SCN1A: variants seen among roughly 807,000 people sequenced by gnomAD.
SCN1A encodes sodium channel protein type 1 subunit alpha.
A neutral mutation model predicts 193.7 loss-of-function variants in SCN1A; 13 were observed. That is an observed-to-expected ratio of 0.07 (90% CI 0.04 to 0.11). The LOEUF (loss-of-function observed/expected upper bound fraction) is 0.11, where lower values mean the gene tolerates loss of function less well. SCN1A is among the 10% of genes least tolerant of loss of function. The pLI is 1.00. For missense variants in SCN1A, 1,432 were observed against 2,451.1 expected (o/e 0.58, Z 8.78); for synonymous variants, 781 against 843.6 (o/e 0.93, Z 1.29).
At chr2:166,132,722 T>C (rs1691708987), upstream of SCN1A, among the ~76,000 whole-genome samples, 1 of 152,172 alleles carries the variant, frequency 6.6e-6, no homozygotes, top group African/African-American at 2.4e-5. Flanking sequence ...TTATAGGTAC[T>C]AAAGTGGACT....
chr2:166,074,728 CTG>C (rs1684822770), intron 3 of SCN1A, among the ~76,000 whole-genome samples: 1 of 152,150 alleles, frequency 6.6e-6, no homozygotes, highest in Non-Finnish European at 1.5e-5. Flanking sequence ...TATTTGGAGA[CTG>C]CATTAACTCA....
chr2:166,084,221 T>TC, intron 2 of SCN1A, among the ~76,000 whole-genome samples: 1 of 89,112 alleles, frequency 1.1e-5, no homozygotes, highest in East Asian at 2.5e-4. Context: ...CAATTTTCTT[T>TC]TTTTTTTTTT....
intron 17 of SCN1A, among the ~76,000 whole-genome samples, chr2:166,038,589 C>T (rs1696760067): frequency 6.6e-6 from 1 of 152,148 alleles, no homozygotes; most frequent in Non-Finnish European, 1.5e-5. Context: ...CCAACTGCCT[C>T]AGTCTCCCAA....
intron 1 of SCN1A, among the ~76,000 whole-genome samples, chr2:166,144,238 A>G (rs1052275743): frequency 1.3e-5 from 2 of 152,210 alleles, no homozygotes; most frequent in Admixed American, 1.3e-4. Context: ...GACACTCTCT[A>G]TATGTCAAGC....
At chr2:166,072,837 CTTTTTTT>C (rs796420549) in intron 4 of SCN1A, among the ~76,000 whole-genome samples, 4 of 119,444 alleles carry the variant, frequency 3.3e-5, no homozygotes, top group East Asian at 2.6e-4. Context: ...TCTCTTCTTT[CTTTTTTT>C]TTTTTTTTTT....
intron 28 of SCN1A, 25 bp downstream of exon 28, chr2:165,994,121 T>C (rs746383978): frequency 6.4e-7 from 1 of 1,557,892 alleles, no homozygotes; most frequent in African/African-American, 1.4e-5. Context: ...TTTAACTGAA[T>C]TTAAGAACTT....
intron 2 of SCN1A, among the ~76,000 whole-genome samples, chr2:166,124,537 ACT>A (rs901630095): frequency 2.6e-5 from 4 of 152,068 alleles, no homozygotes; most frequent in African/African-American, 4.8e-5. Context: ...ACAGAGTGAG[ACT>A]CTGTCTCAAA....
intron 18 of SCN1A, 49 bp downstream of exon 18, chr2:166,037,725 ATG>A: frequency 6.5e-7 from 1 of 1,526,738 alleles, no homozygotes; most frequent in Non-Finnish European, 9.1e-7. Context: ...ATATGTATAC[ATG>A]TGCCATGCTG....
intron 4 of SCN1A, among the ~76,000 whole-genome samples, chr2:166,063,323 A>C (rs1683514375): frequency 6.6e-6 from 1 of 152,140 alleles, no homozygotes; most frequent in East Asian, 1.9e-4. Flanking sequence ...TAACATTCAT[A>C]CAATAGGGTT....
chr2:166,137,115 G>A (rs1332118933), intron 1 of SCN1A, among the ~76,000 whole-genome samples: 5 of 152,160 alleles, frequency 3.3e-5, no homozygotes, highest in Non-Finnish European at 5.9e-5. Context: ...CAGGGCTCCA[G>A]CATTTGTTGG....
chr2:166,117,152 ATC>A (rs766720615), intron 2 of SCN1A, among the ~76,000 whole-genome samples: 4 of 152,214 alleles, frequency 2.6e-5, no homozygotes, highest in Non-Finnish European at 4.4e-5. Context: ...TCTTTTCAAT[ATC>A]TGTTTGAATA....
rs1699119860 is a variant in SCN1A at position 166,056,286 on chromosome 2, C to T, written c.473+125G>A. 5.8e-6 allele frequency: 4 copies of T among 685,286 alleles called. No individual in the cohort carries two copies. The South Asian group carries it at 7.0e-5, about 12-fold the overall frequency. The allele number at this position is 685,286 out of a possible 1,614,324, so 42.5% of individuals were successfully genotyped here. ...AGGGCCAATGAGCATTGTCCTCTTG[C>T]TGCGTAATTTTGTCTAGGAATGACT... On this transcript the variant is annotated intron_variant, in intron 6 of 28. Coordinates refer to ENST00000674923, the MANE Select transcript of SCN1A (RefSeq NM_001165963.4).
At chr2:166,144,703 C>T (rs868568097) in intron 1 of SCN1A, among the ~76,000 whole-genome samples, 7 of 152,122 alleles carry the variant, frequency 4.6e-5, no homozygotes, top group Non-Finnish European at 7.4e-5. Context: ...GTTCAAACTA[C>T]ATGAACTATT....
At chr2:166,120,932 C>T (rs1690513173) in intron 2 of SCN1A, among the ~76,000 whole-genome samples, 1 of 151,632 alleles carries the variant, frequency 6.6e-6, no homozygotes, top group Non-Finnish European at 1.5e-5. Context: ...GACTATTAAT[C>T]TCTCCAATTT....
At chr2:166,017,701 G>A (rs1231496683) in intron 19 of SCN1A, among the ~76,000 whole-genome samples, 1 of 151,968 alleles carries the variant, frequency 6.6e-6, no homozygotes, top group East Asian at 1.9e-4. Context: ...TTAGAGAGTG[G>A]AATTTGAGAA....
intron 19 of SCN1A, among the ~76,000 whole-genome samples, chr2:166,034,704 T>C (rs1200284068): frequency 3.3e-5 from 5 of 152,216 alleles, no homozygotes; most frequent in Admixed American, 6.5e-5. Flanking sequence ...TAACCTTCAA[T>C]ATGACTGTAT....
chr2:166,076,813 G>T (rs1685029381), intron 3 of SCN1A, among the ~76,000 whole-genome samples: 1 of 145,002 alleles, frequency 6.9e-6, no homozygotes, highest in Non-Finnish European at 1.5e-5. Context: ...AACATGTATT[G>T]CTGGAATAAC....
chr2:166,118,109 CAG>C (rs1168572469), intron 2 of SCN1A, among the ~76,000 whole-genome samples: 2 of 142,174 alleles, frequency 1.4e-5, no homozygotes, highest in African/African-American at 2.6e-5. Flanking sequence ...TATGCAAAAA[CAG>C]AGTAAAACAA....
chr2:166,102,930 A>C (rs1688267488), intron 2 of SCN1A, among the ~76,000 whole-genome samples: 2 of 152,160 alleles, frequency 1.3e-5, no homozygotes, highest in Admixed American at 1.3e-4. Flanking sequence ...AATACCATTC[A>C]ACAAAGTTTC....
Sources: allele counts gnomAD v4.1 joint callset (sites outside exome capture counted in the v4.1 genomes callset), GRCh38; gene constraint gnomAD v4.1.1; transcripts MANE v1.5; gene names NCBI Gene and HGNC (gene_info 2026-07-23, HGNC 2026-07-21).